Variants in SRGAP2B observed in about 807,000 individuals in gnomAD.
SRGAP2B encodes the protein SLIT-ROBO Rho GTPase-activating protein 2B.
SRGAP2B carries 9 observed loss-of-function variants against 22.2 expected under a neutral mutation model. The observed-to-expected ratio is 0.41, with a 90% confidence interval of 0.24 to 0.71. SRGAP2B has a LOEUF of 0.71. Ranked by LOEUF, SRGAP2B falls within the 30% of genes least tolerant of loss-of-function variation. The pLI, the probability that SRGAP2B is intolerant of heterozygous loss-of-function variation, is 0.35. For synonymous variants in SRGAP2B, 36 were observed against 87.4 expected (o/e 0.41, Z 3.28); for missense variants, 114 against 235.8 (o/e 0.48, Z 3.38).
At chr1:144,892,626 C>A (rs1214205351) in intron 9 of SRGAP2B, among the ~76,000 whole-genome samples, 1 of 149,932 alleles carries the variant, frequency 6.7e-6, no homozygotes, top group Non-Finnish European at 1.5e-5. Flanking sequence ...TGACCCAGAT[C>A]TTTTAATGTT....
intron 2 of SRGAP2B, among the ~76,000 whole-genome samples, chr1:144,999,572 A>T (rs1265908363): frequency 1.4e-5 from 2 of 147,352 alleles, no homozygotes; most frequent in African/African-American, 5.2e-5. Context: ...TGCTTTAAAT[A>T]TTCTTTATTA....
chr1:144,911,894 C>T (rs1346669447), intron 5 of SRGAP2B, among the ~76,000 whole-genome samples: 2 of 140,658 alleles, frequency 1.4e-5, no homozygotes, highest in South Asian at 2.2e-4. Flanking sequence ...GCTGGGATTA[C>T]GGGCATGAGC....
chr1:144,965,262 A>AGTGGTTCTC (rs1667992164), intron 3 of SRGAP2B: 1 of 490,150 alleles, frequency 2.0e-6, no homozygotes, highest in Non-Finnish European at 3.8e-6. Flanking sequence ...TGAAGAGAGC[A>AGTGGTTCTC]GTGGTTCTCC....
At chr1:145,063,556 G>GT (rs1458887942) in intron 2 of SRGAP2B, among the ~76,000 whole-genome samples, 1 of 149,714 alleles carries the variant, frequency 6.7e-6, no homozygotes, top group Non-Finnish European at 1.5e-5. Context: ...CTAGGCGGCT[G>GT]AGATTTCCTG....
At chr1:144,969,543 A>G (rs1558789923) in intron 3 of SRGAP2B, among the ~76,000 whole-genome samples, 1 of 140,328 alleles carries the variant, frequency 7.1e-6, no homozygotes, top group Non-Finnish European at 1.5e-5. Flanking sequence ...TAAAAACCCT[A>G]GAAGAAAACC....
intron 3 of SRGAP2B, among the ~76,000 whole-genome samples, chr1:144,971,364 C>T (rs1247034143): frequency 2.0e-5 from 3 of 150,040 alleles, no homozygotes; most frequent in African/African-American, 7.5e-5. Flanking sequence ...CTCCTGACCT[C>T]AGGTGATCTG....
At chr1:144,925,727 A>G (rs1158058205) in intron 4 of SRGAP2B, among the ~76,000 whole-genome samples, 111 of 104,188 alleles carry the variant, frequency 1.1e-3, no homozygotes, top group South Asian at 1.8e-3. Flanking sequence ...AGAGAGAAAG[A>G]AAAGAAAGAA....
At chr1:145,020,737 ATATAAG>A (rs1222050189) in intron 2 of SRGAP2B, among the ~76,000 whole-genome samples, 3,623 of 149,780 alleles carry the variant, frequency 0.024, 140 homozygotes, top group African/African-American at 0.086. Flanking sequence ...ATTGTAAAAC[ATATAAG>A]TATATCTTCA....
chr1:144,921,269 CAAAAAAAAAAAAAAAA>C, intron 4 of SRGAP2B, among the ~76,000 whole-genome samples: 1 of 62,314 alleles, frequency 1.6e-5, no homozygotes, highest in East Asian at 4.9e-4. Flanking sequence ...TCTAGCTTGC[CAAAAAAAAAAAAAAAA>C]AAAAAAAAAA....
At chr1:144,985,344 CAGA>C (rs1436707642) in intron 3 of SRGAP2B, among the ~76,000 whole-genome samples, 1 of 143,302 alleles carries the variant, frequency 7.0e-6, no homozygotes, top group Non-Finnish European at 1.5e-5. Context: ...TATAAAATAG[CAGA>C]AGGTCTCTGC....
chr1:145,002,046 A>G (rs1316527420), intron 2 of SRGAP2B, among the ~76,000 whole-genome samples: 9 of 121,862 alleles, frequency 7.4e-5, no homozygotes, highest in African/African-American at 3.2e-4. Context: ...ATAAGGCACA[A>G]CCAACCAACA....
intron 7 of SRGAP2B, among the ~76,000 whole-genome samples, chr1:144,902,720 C>A (rs1339973941): frequency 1.4e-5 from 2 of 143,964 alleles, no homozygotes; most frequent in East Asian, 4.0e-4. Flanking sequence ...CGAGATCGCA[C>A]CACCGTACTC....
rs1270037742 is a variant in SRGAP2B, at chr1:144,921,240, C to T, written c.424-6486G>A. On this transcript the variant is annotated intron_variant, in intron 4 of 9. Transcript: ENST00000612199. ...GTTTCCACACCATAACCTAATTCCA[C>T]AGCAAGCTAGATATTGAATCTAGCT... Among the ~76,000 whole-genome samples the T allele has an allele frequency of 1.3e-3, 119 of 88,504 alleles. 1 individual carries two copies. Among genetic ancestry groups the T allele is most frequent in the Admixed American group, 2.9e-3 (15 of 5,212 alleles). 58.1% of individuals were successfully genotyped at this position (88,504 alleles called of 152,430 possible).
At chr1:144,939,359 A>T (rs1252180992) in intron 4 of SRGAP2B, among the ~76,000 whole-genome samples, 1 of 150,658 alleles carries the variant, frequency 6.6e-6, no homozygotes, top group Non-Finnish European at 1.5e-5. Context: ...TTAAAATAAC[A>T]TCGGCCCAAT....
At chr1:144,976,232 A>C (rs1237618404) in intron 3 of SRGAP2B, among the ~76,000 whole-genome samples, 1 of 146,586 alleles carries the variant, frequency 6.8e-6, no homozygotes, top group East Asian at 2.0e-4. Context: ...TGAGCAATTA[A>C]GTGAAAATGT....
In SRGAP2B at chr1:144,931,130, TC is replaced by T. The variant is rs1276659569; in HGVS notation, c.424-16377del. On this transcript the variant is annotated intron_variant, in intron 4 of 9. Transcript: ENST00000612199. ...AATATCCTTTGACTCCAGCTCCCCCTCCATGCTCACAAACTCCGTACTTTTT... is the reference window on the plus strand; with the variant it reads ...AATATCCTTTGACTCCAGCTCCCCCTCATGCTCACAAACTCCGTACTTTTT... Among the ~76,000 whole-genome samples the T allele has an allele frequency of 2.0e-5, 3 of 149,120 alleles. No homozygotes were observed. The East Asian group carries it at 5.9e-4, about 29-fold the overall frequency.
chr1:144,955,130 T>C (rs1667161694), intron 4 of SRGAP2B, among the ~76,000 whole-genome samples: 1 of 150,660 alleles, frequency 6.6e-6, no homozygotes, highest in African/African-American at 2.5e-5. Flanking sequence ...TTAATTCAGC[T>C]CAGAAAGGAA....
chr1:144,990,931 A>G (rs1570944245), intron 3 of SRGAP2B, among the ~76,000 whole-genome samples: 1 of 150,726 alleles, frequency 6.6e-6, no homozygotes, highest in East Asian at 2.0e-4. Context: ...TGAGCCTCCC[A>G]CCCACTCCAT....
At position 145,015,528 on chromosome 1, in the gene SRGAP2B, G is replaced by A. The variant is rs1442497667; in HGVS notation, c.68-20328C>T. 8.4e-5 allele frequency among the ~76,000 whole-genome samples: 12 copies of A among 143,598 alleles called. 1 individual carries two copies. In the South Asian group the frequency reaches 1.5e-3, roughly 18 times the overall value. The allele number at this position is 143,598 out of a possible 152,430, so 94.2% of individuals were successfully genotyped here. ...AGACAGACTACCATAAGAAGTAATT[G>A]CAATGTAAAAAGCCCATTATCGGGG... On this transcript the variant is annotated intron_variant, in intron 2 of 9. Coordinates refer to ENST00000612199, the Ensembl canonical transcript of SRGAP2B.
Sources: gnomAD v4.1 joint callset for allele counts (sites outside exome capture counted in the v4.1 genomes callset) on GRCh38, gnomAD v4.1.1 for gene constraint, MANE v1.5 for transcripts, NCBI Gene and HGNC (gene_info 2026-07-23, HGNC 2026-07-21) for gene names.